EPHA6: variants seen among roughly 807,000 people sequenced by gnomAD.
EPHA6 encodes EPH receptor A6.
EPHA6 carries 50 observed loss-of-function variants against 112.0 expected under a neutral mutation model. The ratio of observed to expected loss-of-function variants is 0.45; its 90% CI spans 0.36 to 0.56. EPHA6 has a LOEUF of 0.56. Ranked by LOEUF, EPHA6 falls within the 20% of genes least tolerant of loss-of-function variation. EPHA6 has a pLI of 0.00. For missense variants in EPHA6, 1,280 were observed against 1,417.4 expected, an observed-to-expected ratio of 0.90 and a Z score of 1.56; for synonymous variants, 529 against 490.7, an observed-to-expected ratio of 1.08 and a Z score of -1.03.
At chr3:97,680,472 G>A (rs2031771568) in intron 14 of EPHA6, among the ~76,000 whole-genome samples, 1 of 152,080 alleles carries the variant, frequency 6.6e-6, no homozygotes, top group African/African-American at 2.4e-5. Context: ...ACTTTTATTT[G>A]TATTTCTCTA....
At chr3:97,432,816 G>T (rs1338283183) in intron 6 of EPHA6, among the ~76,000 whole-genome samples, 5 of 152,096 alleles carry the variant, frequency 3.3e-5, no homozygotes, top group Non-Finnish European at 7.4e-5. Context: ...CATATGTCGT[G>T]AGAACTCACT....
At chr3:97,570,861 C>T (rs991269413) in intron 11 of EPHA6, among the ~76,000 whole-genome samples, 5 of 152,004 alleles carry the variant, frequency 3.3e-5, no homozygotes, top group African/African-American at 1.2e-4. Flanking sequence ...TGCAGAATTG[C>T]TTGGATAAGC....
At position 96,994,726 on chromosome 3, in the gene EPHA6, T is replaced by G. The variant is rs1388090162; in HGVS notation, c.1114+6733T>G. On this transcript the variant is annotated intron_variant, in intron 3 of 17. Transcript: ENST00000389672. ...GTGTGTGTGTATATATATATATATA[T>G]ATATATAGAGAGAGAGAGAGAGAGA... Among the ~76,000 whole-genome samples the G allele has an allele frequency of 5.1e-3, 396 of 78,220 alleles. 3 individuals carry two copies. The highest frequency in any genetic ancestry group is 7.5e-3 in the Admixed American group (53 of 7,020). 51.3% of individuals were successfully genotyped at this position (78,220 alleles called of 152,430 possible). A position where few individuals can be genotyped will look rare whatever the true frequency, so the allele number is the denominator to read the frequency against.
rs2034469466 is a variant in EPHA6 at position 97,720,316 on chromosome 3, TCTC to T, written c.2844_2846del (p.Ser949del). 2 of 1,610,278 alleles carry T rather than the reference TCTC, an allele frequency of 1.2e-6. No homozygotes were observed. The highest frequency in any genetic ancestry group is 1.7e-5 in the Admixed American group (1 of 59,450). ...CCAGAAGCCATCGCCTACAGAAAATTCTCCTCAGCAAGCGATGCATGGAGCTAT... is the reference window on the plus strand; with the variant it reads ...CCAGAAGCCATCGCCTACAGAAAATTCTCAGCAAGCGATGCATGGAGCTAT... On this transcript the variant is annotated inframe_deletion, in exon 15 of 18. Coordinates refer to ENST00000389672, the MANE Select transcript of EPHA6 (RefSeq NM_001080448.3).
intron 1 of EPHA6, among the ~76,000 whole-genome samples, chr3:96,850,384 A>G (rs2035311505): frequency 6.6e-6 from 1 of 152,098 alleles, no homozygotes; most frequent in Non-Finnish European, 1.5e-5. Flanking sequence ...GAAGTGCGCC[A>G]TGAAGAAAGG....
At chr3:97,037,431 A>C (rs2045142147) in intron 3 of EPHA6, among the ~76,000 whole-genome samples, 1 of 152,038 alleles carries the variant, frequency 6.6e-6, no homozygotes, top group South Asian at 2.1e-4. Flanking sequence ...CAGCAGAGAG[A>C]ATATCATCAT....
chr3:97,180,945 A>G (rs1258593258), intron 3 of EPHA6, among the ~76,000 whole-genome samples: 1 of 151,798 alleles, frequency 6.6e-6, no homozygotes, highest in African/African-American at 2.4e-5. Context: ...GGACTCACCT[A>G]AGAGTTGTAG....
intron 5 of EPHA6, among the ~76,000 whole-genome samples, chr3:97,356,274 G>T (rs779408696): frequency 2.0e-5 from 3 of 152,044 alleles, no homozygotes; most frequent in Non-Finnish European, 4.4e-5. Flanking sequence ...ACAAGTTCAG[G>T]GCTCCCACTA....
intron 4 of EPHA6, among the ~76,000 whole-genome samples, chr3:97,228,177 A>G (rs2078414520): frequency 6.6e-6 from 1 of 152,090 alleles, no homozygotes. Flanking sequence ...TTTTATTTTT[A>G]TAACAATAGT....
chr3:97,490,134 A>T (rs2091802752), intron 10 of EPHA6, among the ~76,000 whole-genome samples: 1 of 152,206 alleles, frequency 6.6e-6, no homozygotes, highest in Non-Finnish European at 1.5e-5. Flanking sequence ...AAATAAATGA[A>T]TGACAAAAGG....
chr3:97,126,740 T>C (rs1449159726), intron 3 of EPHA6, among the ~76,000 whole-genome samples: 3 of 151,524 alleles, frequency 2.0e-5, no homozygotes, highest in African/African-American at 7.3e-5. Context: ...AGATTTGAAG[T>C]AATAATACAG....
chr3:97,277,400 G>T (rs551441362), intron 5 of EPHA6, among the ~76,000 whole-genome samples: 1 of 152,098 alleles, frequency 6.6e-6, no homozygotes, highest in African/African-American at 2.4e-5. Flanking sequence ...AAGGAATTTC[G>T]CAAGGTAATG....
chr3:96,832,495 C>A (rs1157239546), intron 1 of EPHA6, among the ~76,000 whole-genome samples: 2 of 152,004 alleles, frequency 1.3e-5, no homozygotes, highest in Non-Finnish European at 2.9e-5. Context: ...GAACTTCTAA[C>A]CTTTCTTGTA....
intron 5 of EPHA6, among the ~76,000 whole-genome samples, chr3:97,320,503 G>A (rs2082057611): frequency 6.6e-6 from 1 of 151,694 alleles, no homozygotes; most frequent in African/African-American, 2.4e-5. Context: ...CTTGAGAGAG[G>A]GAATGAGGAA....
chr3:96,991,776 G>C (rs2043226211), intron 3 of EPHA6, among the ~76,000 whole-genome samples: 1 of 152,128 alleles, frequency 6.6e-6, no homozygotes, highest in African/African-American at 2.4e-5. Flanking sequence ...TAAAATCCCT[G>C]TTGATCTGCA....
chr3:97,383,456 T>G (rs182518617), intron 5 of EPHA6, among the ~76,000 whole-genome samples: 31 of 152,166 alleles, frequency 2.0e-4, no homozygotes, highest in African/African-American at 6.5e-4. Context: ...AAAACGAAAT[T>G]CCAGCTTATT....
At chr3:97,397,356 T>G (rs967925876) in intron 5 of EPHA6, among the ~76,000 whole-genome samples, 31 of 151,746 alleles carry the variant, frequency 2.0e-4, no homozygotes, top group African/African-American at 7.5e-4. Flanking sequence ...ACTTCAAGAG[T>G]GTTACCACCA....
intron 5 of EPHA6, among the ~76,000 whole-genome samples, chr3:97,338,315 C>G (rs776620484): frequency 6.6e-6 from 1 of 152,118 alleles, no homozygotes; most frequent in Non-Finnish European, 1.5e-5. Flanking sequence ...TCTTCAGTCA[C>G]AAGCCTGTAA....
chr3:97,655,577 G>T (rs988541609), intron 14 of EPHA6, among the ~76,000 whole-genome samples: 2 of 151,772 alleles, frequency 1.3e-5, no homozygotes, highest in African/African-American at 4.8e-5. Context: ...GAATAGTGCC[G>T]CAATAAACAT....
Sources: allele counts gnomAD v4.1 joint callset (sites outside exome capture counted in the v4.1 genomes callset), GRCh38; gene constraint gnomAD v4.1.1; transcripts MANE v1.5; gene names NCBI Gene and HGNC (gene_info 2026-07-23, HGNC 2026-07-21).